Variants in ITPK1 observed in about 807,000 individuals in gnomAD.
The protein encoded by ITPK1 is inositol-tetrakisphosphate 1-kinase.
Under a neutral mutation model 45.3 loss-of-function variants are expected in ITPK1, and 21 were observed. The ratio of observed to expected loss-of-function variants is 0.46; its 90% CI spans 0.33 to 0.67. The LOEUF (loss-of-function observed/expected upper bound fraction) is 0.67, where lower values mean the gene tolerates loss of function less well. ITPK1 is among the 30% of genes least tolerant of loss of function. The pLI is 0.02. For synonymous variants in ITPK1, 258 were observed against 253.6 expected (o/e 1.02, Z -0.16); for missense variants, 474 against 573.5 (o/e 0.83, Z 1.77).
rs1396131347 is a variant in ITPK1, at chr14:93,014,073, C to T, written c.246+2603G>A. Among the ~76,000 whole-genome samples, 2 of 152,322 alleles carry T rather than the reference C, an allele frequency of 1.3e-5. No homozygotes were observed. The highest frequency in any genetic ancestry group is 2.1e-4 in the South Asian group (1 of 4,824). On this transcript the variant is annotated intron_variant, in intron 4 of 10. Coordinates refer to ENST00000267615, the MANE Select transcript of ITPK1 (RefSeq NM_014216.6). The surrounding 1 kb of genome is among the most constrained non-coding windows in gnomAD (Gnocchi z 4.4). ...GTTCTCCTCACAAAGGAGGAAACTT[C>T]CCACCTTATCAGATATCCGGCCTCT...
At chr14:93,038,351 C>T (rs1452496530) in intron 3 of ITPK1, among the ~76,000 whole-genome samples, 3 of 152,084 alleles carry the variant, frequency 2.0e-5, no homozygotes, top group Non-Finnish European at 4.4e-5. Context: ...GCATATTCTT[C>T]TAAAGCATTA....
rs1464313627 is a variant in ITPK1, at chr14:92,940,570, G to A, written c.*991C>T. The A allele has an allele frequency of 4.2e-6, 5 of 1,183,286 alleles. No homozygotes were observed. The East Asian group carries it at 2.5e-4, about 58-fold the overall frequency. The allele number at this position is 1,183,286 out of a possible 1,614,324, so 73.3% of individuals were successfully genotyped here. On this transcript the variant is annotated 3_prime_UTR_variant, in exon 11 of 11. Transcript: ENST00000267615. ...TGAAAAGGAGTGAACCCACTGGGAA[G>A]AGGGCCCCGATCTCCATGGTGTCAT...
rs1272537583 is a variant in ITPK1, at chr14:92,946,391, C to T, written c.841G>A (p.Asp281Asn). The change falls in exon 10 of 11, where the codon GAC (aspartate) becomes AAC (asparagine). Residue 281 changes from aspartate (D) to asparagine (N), a missense_variant. By Grantham distance (23) the Asp-to-Asn change is conservative (BLOSUM62 1). This residue lies in a region of ITPK1 where 367 missense variants were observed against 480.6 expected (regional missense o/e 0.76). Transcript: ENST00000267615. ...QALGVSLFGI[D>N]IIINNQTGQH... ...CCTGTCTGGTTGTTGATGATGATGT[C>T]GATGCCGAAGAGTGACACGCCCAGT... is the stretch of plus-strand genomic sequence containing the variant. 2 of 1,613,428 alleles carry T rather than the reference C, an allele frequency of 1.2e-6. No homozygotes were observed. Among genetic ancestry groups the T allele is most frequent in the Non-Finnish European group, 1.7e-6 (2 of 1,180,018 alleles).
Position 92,941,348 on chromosome 14 carries a change from G to A in ITPK1, c.*213C>T, listed in dbSNP as rs1036641706. 3.2e-5 allele frequency: 45 copies of A among 1,409,584 alleles called. No homozygotes were observed. In the African/African-American group the frequency reaches 3.7e-4, roughly 12 times the overall value. 87.3% of individuals were successfully genotyped at this position (1,409,584 alleles called of 1,614,324 possible). ...TCTGCACAGTAGAGAGCAGGCGGAC[G>A]GCCCCACTCCCCAACGGTGGACCAC... On this transcript the variant is annotated 3_prime_UTR_variant, in exon 11 of 11. Coordinates refer to ENST00000267615, the MANE Select transcript of ITPK1 (RefSeq NM_014216.6).
chr14:93,098,313 C>T (rs1025066792), intron 2 of ITPK1, among the ~76,000 whole-genome samples: 1 of 152,000 alleles, frequency 6.6e-6, no homozygotes, highest in Non-Finnish European at 1.5e-5. Context: ...AAAAAGTAGC[C>T]GGGCATGGTG....
chr14:93,024,088 G>A (rs1412813428), intron 3 of ITPK1, among the ~76,000 whole-genome samples: 1 of 152,202 alleles, frequency 6.6e-6, no homozygotes, highest in African/African-American at 2.4e-5. Flanking sequence ...GGCAGGTCTG[G>A]ATCCACAAGG....
rs1888053376 is a variant in ITPK1 at position 93,014,050 on chromosome 14, T to C, written c.246+2626A>G. Reference sequence around the variant, plus strand: ...CGCACCCTTTTCTCCAAAGGATTGTTCTCCTCACAAAGGAGGAAACTTCCC... The same window carrying C: ...CGCACCCTTTTCTCCAAAGGATTGTCCTCCTCACAAAGGAGGAAACTTCCC... On this transcript the variant is annotated intron_variant, in intron 4 of 10. Coordinates refer to ENST00000267615, the MANE Select transcript of ITPK1 (RefSeq NM_014216.6). The surrounding 1 kb of genome is among the most constrained non-coding windows in gnomAD (Gnocchi z 4.4). 6.6e-6 allele frequency among the ~76,000 whole-genome samples: 1 copy of C among 152,166 alleles called. No individual in the cohort carries two copies. Among genetic ancestry groups the C allele is most frequent in the South Asian group, 2.1e-4 (1 of 4,832 alleles).
At chr14:93,024,023 G>A (rs1166988426) in intron 3 of ITPK1, among the ~76,000 whole-genome samples, 1 of 152,126 alleles carries the variant, frequency 6.6e-6, no homozygotes, top group Admixed American at 6.5e-5. Context: ...GTCCTGGGGG[G>A]AAAGTACGAA....
intron 5 of ITPK1, among the ~76,000 whole-genome samples, chr14:92,989,481 G>C (rs1326936673): frequency 6.6e-6 from 1 of 152,182 alleles, no homozygotes; most frequent in African/African-American, 2.4e-5. Context: ...CGGCCCAGGT[G>C]CCTTCTCATA....
intron 3 of ITPK1, among the ~76,000 whole-genome samples, chr14:93,021,584 C>A (rs958813329): frequency 2.9e-5 from 4 of 137,810 alleles, no homozygotes; most frequent in African/African-American, 1.2e-4. Context: ...CAGAATGAGA[C>A]CCTGTCTCAA....
At chr14:93,026,419 A>G (rs1888730029) in intron 3 of ITPK1, among the ~76,000 whole-genome samples, 1 of 152,264 alleles carries the variant, frequency 6.6e-6, no homozygotes, top group Admixed American at 6.5e-5. Context: ...CCTCATTCAT[A>G]CAACAAATGC....
intron 7 of ITPK1, among the ~76,000 whole-genome samples, chr14:92,960,346 C>T (rs1885004144): frequency 6.6e-6 from 1 of 152,202 alleles, no homozygotes; most frequent in Admixed American, 6.5e-5. Context: ...CCAGAACCCC[C>T]ATCCCCTTCA....
intron 3 of ITPK1, among the ~76,000 whole-genome samples, chr14:93,066,912 T>C (rs1331944427): frequency 6.6e-6 from 1 of 152,058 alleles, no homozygotes; most frequent in Non-Finnish European, 1.5e-5. Context: ...GGCCCTCAGG[T>C]CAAGATGCCT....
At chr14:92,997,288 C>T (rs988717894) in intron 4 of ITPK1, among the ~76,000 whole-genome samples, 1 of 152,186 alleles carries the variant, frequency 6.6e-6, no homozygotes, top group African/African-American at 2.4e-5. Context: ...CATGTTTATG[C>T]GTTAGGACAG....
intron 8 of ITPK1, among the ~76,000 whole-genome samples, chr14:92,957,213 C>A (rs1276538141): frequency 6.6e-6 from 1 of 152,226 alleles, no homozygotes; most frequent in Non-Finnish European, 1.5e-5. Context: ...GGTAAAACAG[C>A]CGGCGTCTGA....
At chr14:93,013,554 A>G (rs80322953) in intron 4 of ITPK1, among the ~76,000 whole-genome samples, 3,407 of 152,176 alleles carry the variant, frequency 0.022, 122 homozygotes, top group African/African-American at 0.076. Context: ...CACAGCCCCA[A>G]ACCACTTCCT....
chr14:93,081,833 G>A (rs1891446982), intron 2 of ITPK1, among the ~76,000 whole-genome samples: 1 of 152,210 alleles, frequency 6.6e-6, no homozygotes, highest in African/African-American at 2.4e-5. Context: ...CGCCTCAGAG[G>A]CCCAGGATGT....
In ITPK1 at chr14:92,962,818, C is replaced by T; in HGVS notation, c.396G>A (p.Glu132=). ...DDRICSPPFM[E]LTSLCGDDTM... The stretch of plus-strand genomic sequence containing the variant: ...TGTCATCCCCGCACAGGCTCGTGAG[C>T]TCCATGAAGGGTGGCGAGCAGATCC... The change falls in exon 6 of 11, where the codon GAG becomes GAA. Residue 132 remains glutamate (E), a synonymous_variant. Transcript: ENST00000267615. The T allele has an allele frequency of 1.9e-6, 3 of 1,613,836 alleles. No homozygotes were observed. The highest frequency in any genetic ancestry group is 2.5e-6 in the Non-Finnish European group (3 of 1,179,848).
chr14:93,035,362 C>T (rs193045478), intron 3 of ITPK1, among the ~76,000 whole-genome samples: 263 of 152,268 alleles, frequency 1.7e-3, no homozygotes, highest in African/African-American at 5.9e-3. Flanking sequence ...CAGGTATTCA[C>T]GCTGGGCAGT....
Sources: allele counts gnomAD v4.1 joint callset (sites outside exome capture counted in the v4.1 genomes callset), GRCh38; gene constraint gnomAD v4.1.1; regional missense constraint gnomAD v4.1.1; non-coding constraint Gnocchi (gnomAD v3.1); transcripts MANE v1.5; gene names NCBI Gene and HGNC (gene_info 2026-07-23, HGNC 2026-07-21).